SKIL: variants seen among roughly 807,000 people sequenced by gnomAD.
SKIL encodes the protein SKI like proto-oncogene.
A neutral mutation model predicts 69.6 loss-of-function variants in SKIL; 20 were observed. The observed-to-expected ratio is 0.29, with a 90% CI of 0.20 to 0.42. SKIL has a LOEUF of 0.42. SKIL is among the 10% of genes least tolerant of loss of function. The pLI is 1.00. For missense variants in SKIL, 745 were observed against 783.1 expected (o/e 0.95, Z 0.58); for synonymous variants, 310 against 279.9 (o/e 1.11, Z -1.08).
In SKIL at chr3:170,389,265, T is replaced by C. The variant is rs1206855677; in HGVS notation, c.1430-958T>C. On this transcript the variant is annotated intron_variant, in intron 4 of 6. Coordinates refer to ENST00000259119, the MANE Select transcript of SKIL (RefSeq NM_005414.5). The stretch of plus-strand genomic sequence containing the variant: ...GTATACAGCATAAGGTCCAACCTTA[T>C]TCTTTTGCATGTGGATATAGTTGTC... Among the ~76,000 whole-genome samples the C allele has an allele frequency of 2.0e-5, 3 of 152,166 alleles. No individual in the cohort carries two copies. The East Asian group carries it at 5.8e-4, about 29-fold the overall frequency.
intron 4 of SKIL, among the ~76,000 whole-genome samples, chr3:170,389,316 CTT>C (rs763858925): frequency 1.5e-4 from 21 of 137,020 alleles, no homozygotes; most frequent in Admixed American, 2.2e-4. Flanking sequence ...TTATTCTTTC[CTT>C]TTTTTTTTTT....
intron 2 of SKIL, among the ~76,000 whole-genome samples, chr3:170,365,669 A>G (rs1736463038): frequency 6.8e-6 from 1 of 147,242 alleles, no homozygotes; most frequent in African/African-American, 2.6e-5. Context: ...AACAGTTTTT[A>G]TTTTCTTCTG....
intron 4 of SKIL, 32 bp from the exon 5 acceptor site, chr3:170,390,191 A>G: frequency 1.3e-6 from 2 of 1,525,076 alleles, no homozygotes; most frequent in Non-Finnish European, 1.8e-6. Flanking sequence ...AGTGATATTC[A>G]TACTTTGTTA....
At position 170,392,455 on chromosome 3, in the gene SKIL, G is replaced by T; in HGVS notation, c.*38G>T. On this transcript the variant is annotated 3_prime_UTR_variant, in exon 7 of 7. Transcript: ENST00000259119. ...AGATTCATCTGTGTATTACTGACAA[G>T]GTTTTTTTTGTTTGTTGCTTGCTTT... is the stretch of plus-strand genomic sequence containing the variant. The T allele has an allele frequency of 7.2e-7, 1 of 1,385,778 alleles. No individual in the cohort carries two copies. Among genetic ancestry groups the T allele is most frequent in the African/African-American group, 1.5e-5 (1 of 68,260 alleles). 85.8% of individuals were successfully genotyped at this position (1,385,778 alleles called of 1,614,324 possible).
At chr3:170,365,245 C>G (rs1436515229) in intron 2 of SKIL, among the ~76,000 whole-genome samples, 1 of 152,122 alleles carries the variant, frequency 6.6e-6, no homozygotes, top group Admixed American at 6.5e-5. Context: ...GCTTCTAACT[C>G]GAAGTTTAGT....
intron 4 of SKIL, among the ~76,000 whole-genome samples, chr3:170,386,384 C>T (rs1737634219): frequency 1.3e-5 from 2 of 152,146 alleles, no homozygotes; most frequent in African/African-American, 2.4e-5. Context: ...CCTGCCTCGG[C>T]CTCCCAAAGT....
In SKIL at chr3:170,394,905, G is replaced by A. The variant is rs1190362532; in HGVS notation, c.*2488G>A. On this transcript the variant is annotated 3_prime_UTR_variant, in exon 7 of 7. Transcript: ENST00000259119. ...ATAAAACTTATTCTATTCTTTGCAT[G>A]CTTATTTTGTGTGTTGGTTGCTAGC... 1 of 152,056 alleles carries A rather than the reference G, an allele frequency of 6.6e-6. No individual in the cohort carries two copies. Among genetic ancestry groups the A allele is most frequent in the Non-Finnish European group, 1.5e-5 (1 of 67,976 alleles). 9.4% of individuals were successfully genotyped at this position (152,056 alleles called of 1,614,324 possible).
At chr3:170,390,179 GGAGT>G in intron 4 of SKIL, 40 bp from the exon 5 acceptor site, 1 of 1,396,046 alleles carries the variant, frequency 7.2e-7, no homozygotes, top group South Asian at 1.2e-5. Flanking sequence ...TTTTTTTAAT[GGAGT>G]GATATTCATA....
At chr3:170,378,538 ACTCT>A (rs776393814) in intron 2 of SKIL, among the ~76,000 whole-genome samples, 139 of 115,038 alleles carry the variant, frequency 1.2e-3, no homozygotes, top group East Asian at 1.9e-3. Context: ...TGGGAATTGG[ACTCT>A]CTCTCTCTCT....
chr3:170,362,673 G>C (rs527346427), intron 2 of SKIL, among the ~76,000 whole-genome samples: 1 of 151,832 alleles, frequency 6.6e-6, no homozygotes, highest in South Asian at 2.1e-4. Context: ...AAATTAGCCA[G>C]GCATGGTGGT....
chr3:170,361,400 A>G lies in SKIL; in HGVS notation c.1069A>G (p.Met357Val), dbSNP rs767601885. ...AGAAGAAATGAAGGAGAAGTTTAGC[A>G]TGAGAAGTGGAAAGAGAAATCAATC... is the stretch of plus-strand genomic sequence containing the variant. ...ILEEMKEKFSMRSGKRNQSKT... is the reference protein window; with the variant it reads ...ILEEMKEKFSVRSGKRNQSKT... Residue 357 changes from methionine to valine, a missense_variant, in exon 2 of 7, where the codon ATG becomes GTG. By Grantham distance (21) the Met-to-Val change is conservative. Transcript: ENST00000259119. The G allele has an allele frequency of 2.5e-6, 4 of 1,590,926 alleles. No homozygotes were observed. In the African/African-American group the frequency reaches 5.4e-5, roughly 22 times the overall value.
At chr3:170,357,917 G>A in intron 1 of SKIL, 154 bp downstream of exon 1, 1 of 152,414 alleles carries the variant, frequency 6.6e-6, no homozygotes, top group Non-Finnish European at 1.5e-5. Flanking sequence ...TAGGGGGTTT[G>A]GATGCGCGGG....
intron 4 of SKIL, among the ~76,000 whole-genome samples, chr3:170,388,579 T>G (rs2108224143): frequency 6.6e-6 from 1 of 151,914 alleles, no homozygotes; most frequent in East Asian, 1.9e-4. Flanking sequence ...ACTACAGGGA[T>G]GTACCACCAT....
At chr3:170,361,551 G>A (rs1003206169) in intron 2 of SKIL, 122 bp downstream of exon 2, 14 of 786,284 alleles carry the variant, frequency 1.8e-5, no homozygotes, top group African/African-American at 5.2e-5. Context: ...ACAAAATACC[G>A]ATTGATATAT....
chr3:170,361,310 T>C lies in SKIL; in HGVS notation c.979T>C (p.Cys327Arg). ...GGGCTTTGAATCAGCTAAATGGCAT[T>C]GCTATCTTCATGTGAACCAAAAATA... ...HWGFESAKWH[C>R]YLHVNQKYLG... Residue 327 changes from cysteine to arginine, a missense_variant, in exon 2 of 7, where the codon TGC becomes CGC. By Grantham distance (180) the Cys-to-Arg change is radical. Transcript: ENST00000259119. The C allele has an allele frequency of 6.2e-7, 1 of 1,614,122 alleles. No homozygotes were observed. The highest frequency in any genetic ancestry group is 1.1e-5 in the South Asian group (1 of 91,024).
chr3:170,361,443 A>G lies in SKIL; in HGVS notation c.1098+14A>G, dbSNP rs766149278. The G allele has an allele frequency of 6.6e-7, 1 of 1,523,764 alleles. No individual in the cohort carries two copies. The highest frequency in any genetic ancestry group is 8.8e-7 in the Non-Finnish European group (1 of 1,135,212). The allele number at this position is 1,523,764 out of a possible 1,614,324, so 94.4% of individuals were successfully genotyped here. A position where few individuals can be genotyped will look rare whatever the true frequency, so the allele number is the denominator to read the frequency against. On this transcript the variant is annotated intron_variant, in intron 2 of 6. Coordinates refer to ENST00000259119, the MANE Select transcript of SKIL (RefSeq NM_005414.5). Reference sequence around the variant, plus strand: ...AATCAATCCAAGGCAAGTTTTTTATATCAATTTTTAATAATGGTAATGGTT... The same window carrying G: ...AATCAATCCAAGGCAAGTTTTTTATGTCAATTTTTAATAATGGTAATGGTT...
At chr3:170,373,828 A>G (rs1577423344) in intron 2 of SKIL, among the ~76,000 whole-genome samples, 1 of 152,156 alleles carries the variant, frequency 6.6e-6, no homozygotes, top group African/African-American at 2.4e-5. Context: ...GAGTTGGAGG[A>G]TGCAGTGAGC....
intron 3 of SKIL, among the ~76,000 whole-genome samples, chr3:170,381,620 A>G (rs1737356185): frequency 6.6e-6 from 1 of 151,564 alleles, no homozygotes; most frequent in South Asian, 2.1e-4. Flanking sequence ...TTTAGTATAG[A>G]TGGGGTTTCA....
intron 1 of SKIL, chr3:170,358,687 T>A (rs1560202702): frequency 6.6e-6 from 1 of 152,236 alleles, no homozygotes. Flanking sequence ...TTCTATTTAT[T>A]GGATTTCTTT....
Sources: gnomAD v4.1 joint callset for allele counts (sites outside exome capture counted in the v4.1 genomes callset) on GRCh38, gnomAD v4.1.1 for gene constraint, MANE v1.5 for transcripts, NCBI Gene and HGNC (gene_info 2026-07-23, HGNC 2026-07-21) for gene names.